The following MGAT4A variants were observed in gnomAD, a reference collection of about 807,000 sequenced individuals.
MGAT4A encodes alpha-1,3-mannosyl-glycoprotein 4-beta-N-acetylglucosaminyltransferase A.
In MGAT4A, 33 loss-of-function variants were observed where a neutral mutation model predicts 74.1. The ratio of observed to expected loss-of-function variants is 0.45; its 90% CI spans 0.34 to 0.60. MGAT4A has a LOEUF of 0.60. MGAT4A is among the 20% of genes least tolerant of loss of function. The pLI, the probability that MGAT4A is intolerant of heterozygous loss-of-function variation, is 0.02. For missense variants in MGAT4A, 479 were observed against 628.3 expected (o/e 0.76, Z 2.54); for synonymous variants, 198 against 210.4 (o/e 0.94, Z 0.51).
intron 4 of MGAT4A, among the ~76,000 whole-genome samples, chr2:98,667,294 G>A (rs1168787039): frequency 1.3e-5 from 2 of 152,248 alleles, no homozygotes; most frequent in East Asian, 3.9e-4. Flanking sequence ...AGGAGAGTGG[G>A]GCACTGCCGA....
chr2:98,663,584 A>G lies in MGAT4A; in HGVS notation c.404-405T>C, dbSNP rs569062640. ...ATCAGTTCTGTGGTTGTTCTTGCCA[A>G]CAATGCATAACCTCAACTTAACCGT... is the stretch of plus-strand genomic sequence containing the variant. On this transcript the variant is annotated intron_variant, in intron 4 of 15. Coordinates refer to ENST00000393487, the MANE Select transcript of MGAT4A (RefSeq NM_012214.3). The G allele has an allele frequency of 4.4e-6, 3 of 687,340 alleles. No individual in the cohort carries two copies. The African/African-American group carries it at 5.5e-5, about 13-fold the overall frequency. The allele number at this position is 687,340 out of a possible 1,614,324, so 42.6% of individuals were successfully genotyped here.
intron 2 of MGAT4A, among the ~76,000 whole-genome samples, chr2:98,710,840 T>C (rs902696492): frequency 1.3e-5 from 2 of 152,126 alleles, no homozygotes; most frequent in African/African-American, 4.8e-5. Flanking sequence ...TGTCTGCTTA[T>C]ATAGAAAATT....
chr2:98,711,480 T>C (rs2104325578), intron 2 of MGAT4A, among the ~76,000 whole-genome samples: 1 of 152,110 alleles, frequency 6.6e-6, no homozygotes, highest in African/African-American at 2.4e-5. Context: ...ACTATTAACT[T>C]TAGGAAGGTT....
chr2:98,657,159 A>G (rs1701672375), intron 6 of MGAT4A, among the ~76,000 whole-genome samples: 1 of 152,254 alleles, frequency 6.6e-6, no homozygotes, highest in African/African-American at 2.4e-5. Flanking sequence ...GTTTTTAATT[A>G]GTCTGTACTG....
intron 8 of MGAT4A, among the ~76,000 whole-genome samples, chr2:98,653,690 A>G (rs1320845525): frequency 6.6e-6 from 1 of 152,220 alleles, no homozygotes; most frequent in Non-Finnish European, 1.5e-5. Flanking sequence ...AAAACCTCTC[A>G]GCAAAGAAAA....
chr2:98,677,653 A>G (rs369649037), intron 3 of MGAT4A, among the ~76,000 whole-genome samples: 2 of 151,976 alleles, frequency 1.3e-5, no homozygotes, highest in African/African-American at 4.8e-5. Context: ...AGGTTTCACC[A>G]TGTTGGCCAG....
chr2:98,651,223 T>C (rs1372890232), intron 8 of MGAT4A, among the ~76,000 whole-genome samples: 1 of 152,098 alleles, frequency 6.6e-6, no homozygotes, highest in Non-Finnish European at 1.5e-5. Context: ...TATAAAAATA[T>C]AAAACTCCCT....
chr2:98,683,355 T>A (rs1447711443), intron 2 of MGAT4A, among the ~76,000 whole-genome samples: 1 of 152,164 alleles, frequency 6.6e-6, no homozygotes, highest in African/African-American at 2.4e-5. Context: ...TGTAAGAGAA[T>A]GTCCTGGTTC....
Position 98,622,425 on chromosome 2 carries a change from T to G in MGAT4A, c.*3141A>C, listed in dbSNP as rs1025346390. The stretch of plus-strand genomic sequence containing the variant: ...ATTTAAACAGCCCCCATGTGTCTAC[T>G]GGCTATATGTGTTTTTAAAACTAGT... On this transcript the variant is annotated 3_prime_UTR_variant, in exon 16 of 16. Transcript: ENST00000393487. 2.5e-5 allele frequency: 25 copies of G among 985,344 alleles called. No homozygotes were observed. The South Asian group carries it at 1.1e-3, about 43-fold the overall frequency. The allele number at this position is 985,344 out of a possible 1,614,324, so 61.0% of individuals were successfully genotyped here. A position where few individuals can be genotyped will look rare whatever the true frequency, so the allele number is the denominator to read the frequency against.
chr2:98,724,249 T>C (rs756615894), intron 2 of MGAT4A, among the ~76,000 whole-genome samples: 13 of 152,220 alleles, frequency 8.5e-5, no homozygotes, highest in Non-Finnish European at 1.8e-4. Flanking sequence ...TCAAAGCTTA[T>C]AGAAACCACA....
chr2:98,679,918 C>A (rs1049375833), intron 2 of MGAT4A, among the ~76,000 whole-genome samples: 3 of 152,094 alleles, frequency 2.0e-5, no homozygotes, highest in African/African-American at 7.2e-5. Context: ...GTAGTGGAGG[C>A]TGCGGGAATG....
chr2:98,637,325 A>G, intron 12 of MGAT4A, among the ~76,000 whole-genome samples: 1 of 151,442 alleles, frequency 6.6e-6, no homozygotes, highest in East Asian at 1.9e-4. Flanking sequence ...CTAAATAATA[A>G]TAATAATAAT....
intron 4 of MGAT4A, among the ~76,000 whole-genome samples, chr2:98,665,864 C>G (rs1027798557): frequency 6.6e-6 from 1 of 152,130 alleles, no homozygotes; most frequent in African/African-American, 2.4e-5. Context: ...GGCCCTGAAG[C>G]CAGAATGATT....
intron 10 of MGAT4A, among the ~76,000 whole-genome samples, chr2:98,641,659 G>C: frequency 6.7e-6 from 1 of 149,564 alleles, no homozygotes; most frequent in Non-Finnish European, 1.5e-5. Context: ...CTAGGCCACG[G>C]AGCGAGACTC....
intron 9 of MGAT4A, among the ~76,000 whole-genome samples, chr2:98,644,895 A>G: frequency 6.6e-6 from 1 of 152,116 alleles, no homozygotes. Flanking sequence ...CGGCCTCCCA[A>G]AGTGCTGGGA....
intron 2 of MGAT4A, among the ~76,000 whole-genome samples, chr2:98,681,351 T>C (rs1340893669): frequency 1.3e-5 from 2 of 152,194 alleles, no homozygotes; most frequent in Non-Finnish European, 2.9e-5. Flanking sequence ...TCTAGAAGAA[T>C]TAATGTTTTT....
chr2:98,645,563 A>C, intron 8 of MGAT4A, 21 bp from the exon 9 acceptor site: 1 of 1,463,670 alleles, frequency 6.8e-7, no homozygotes, highest in East Asian at 2.4e-5. Flanking sequence ...TTGAACAATC[A>C]TATTAATACA....
intron 8 of MGAT4A, among the ~76,000 whole-genome samples, chr2:98,647,808 T>TA (rs1701517355): frequency 6.6e-6 from 1 of 152,246 alleles, no homozygotes; most frequent in Admixed American, 6.5e-5. Context: ...CCCTTTCCCC[T>TA]GAGGGGTATG....
chr2:98,680,145 A>G (rs559959213), intron 2 of MGAT4A, among the ~76,000 whole-genome samples: 1 of 150,664 alleles, frequency 6.6e-6, no homozygotes, highest in Non-Finnish European at 1.5e-5. Flanking sequence ...CTGGATTCAG[A>G]CAATTCTCCC....
Sources: gnomAD v4.1 joint callset for allele counts (sites outside exome capture counted in the v4.1 genomes callset) on GRCh38, gnomAD v4.1.1 for gene constraint, MANE v1.5 for transcripts, NCBI Gene and HGNC (gene_info 2026-07-23, HGNC 2026-07-21) for gene names.